The following CES5A variants were observed in gnomAD, a reference collection of about 807,000 sequenced individuals.
The protein encoded by CES5A is carboxylesterase 5.
A neutral mutation model predicts 62.9 loss-of-function variants in CES5A; 67 were observed. That is an observed-to-expected ratio of 1.07 (90% CI 0.88 to 1.31). The LOEUF (loss-of-function observed/expected upper bound fraction) is 1.31. Ranked by LOEUF, CES5A falls within the 50% of genes most tolerant of loss-of-function variation. CES5A has a pLI of 0.00. For missense variants in CES5A, 748 were observed against 708.5 expected, an observed-to-expected ratio of 1.06 and a Z score of -0.63; for synonymous variants, 296 against 280.8, an observed-to-expected ratio of 1.05 and a Z score of -0.54.
At chr16:55,849,893 C>G in intron 10 of CES5A, 120 bp from the exon 11 acceptor site, 2 of 1,012,354 alleles carry the variant, frequency 2.0e-6, no homozygotes, top group Non-Finnish European at 2.8e-6. Flanking sequence ...TCAGAGACAG[C>G]TCACTTCCCC....
intron 2 of CES5A, among the ~76,000 whole-genome samples, chr16:55,945,094 A>G (rs2034480661): frequency 6.6e-6 from 1 of 152,210 alleles, no homozygotes. Context: ...ATGAACTCAT[A>G]CTGGCCAGTT....
At chr16:55,926,672 T>C (rs968617966), upstream of CES5A, among the ~76,000 whole-genome samples, 2 of 152,238 alleles carry the variant, frequency 1.3e-5, no homozygotes, top group African/African-American at 2.4e-5. Context: ...AGGAATATTG[T>C]CATGCTGGAG....
chr16:55,928,197 C>A (rs1001497288), upstream of CES5A, among the ~76,000 whole-genome samples: 3 of 151,916 alleles, frequency 2.0e-5, no homozygotes, highest in African/African-American at 7.2e-5. Flanking sequence ...GAGCCAAGAT[C>A]GAGCCACTGC....
chr16:55,884,073 T>C (rs1338179719), intron 1 of CES5A, among the ~76,000 whole-genome samples: 1 of 152,158 alleles, frequency 6.6e-6, no homozygotes, highest in Non-Finnish European at 1.5e-5. Context: ...CATACATCCC[T>C]TCGGAAAAGA....
intron 1 of CES5A, among the ~76,000 whole-genome samples, chr16:55,902,380 C>A (rs569690134): frequency 5.0e-4 from 76 of 152,250 alleles, no homozygotes; most frequent in African/African-American, 1.8e-3. Context: ...TATTACTCAT[C>A]CCCACAAGTT....
chr16:55,873,829 T>C lies in CES5A; in HGVS notation c.278+4A>G. 1 of 1,610,584 alleles carries C rather than the reference T, an allele frequency of 6.2e-7. No homozygotes were observed. The highest frequency in any genetic ancestry group is 8.5e-7 in the Non-Finnish European group (1 of 1,178,010). ...ACCACCCGTGGGCCCGAACCTGGTCTTACAAATTAGGGTAGGAGGTGGCTT... is the reference window on the plus strand; with the variant it reads ...ACCACCCGTGGGCCCGAACCTGGTCCTACAAATTAGGGTAGGAGGTGGCTT... On this transcript the variant is annotated splice_donor_region_variant and intron_variant, in intron 2 of 12. Coordinates refer to ENST00000290567, the MANE Select transcript of CES5A (RefSeq NM_001143685.2).
intron 10 of CES5A, among the ~76,000 whole-genome samples, chr16:55,850,028 CTACTT>C (rs1423890348): frequency 6.6e-6 from 1 of 152,234 alleles, no homozygotes; most frequent in African/African-American, 2.4e-5. Flanking sequence ...CAGCCAAGAT[CTACTT>C]TGTTGGGACT....
intron 1 of CES5A, among the ~76,000 whole-genome samples, chr16:55,910,523 G>A (rs958978453): frequency 3.9e-5 from 6 of 152,216 alleles, no homozygotes; most frequent in East Asian, 3.9e-4. Context: ...CTTTTGAGAC[G>A]CTGCTGCTTC....
rs546941204 is a variant in CES5A, at chr16:55,869,512, C to T, written c.551+99G>A. 47 of 1,451,962 alleles carry T rather than the reference C, an allele frequency of 3.2e-5. No homozygotes were observed. The African/African-American group carries it at 3.4e-4, about 11-fold the overall frequency. The allele number at this position is 1,451,962 out of a possible 1,614,324, so 89.9% of individuals were successfully genotyped here. A position where few individuals can be genotyped will look rare whatever the true frequency, so the allele number is the denominator to read the frequency against. On this transcript the variant is annotated intron_variant, in intron 4 of 12. Transcript: ENST00000290567. ...TTAGGGCCAGTTTTGTTCATTGTCC[C>T]GGAAGGCTCGCTCCTTCTTAGGTTG...
intron 2 of CES5A, among the ~76,000 whole-genome samples, chr16:55,941,775 G>A (rs74019335): frequency 6.6e-6 from 1 of 152,092 alleles, no homozygotes; most frequent in Non-Finnish European, 1.5e-5. Flanking sequence ...CAGGCACATA[G>A]ATAGCATAAG....
chr16:55,862,296 A>C (rs1237119927), intron 6 of CES5A, among the ~76,000 whole-genome samples: 1 of 152,152 alleles, frequency 6.6e-6, no homozygotes, highest in East Asian at 1.9e-4. Context: ...AATCCAGTCA[A>C]AGTTACAGAC....
chr16:55,908,449 T>C (rs112170941), intron 1 of CES5A, among the ~76,000 whole-genome samples: 22,061 of 152,090 alleles, frequency 0.15, 1,717 homozygotes, highest in Non-Finnish European at 0.18. Flanking sequence ...CAACCTCCAC[T>C]TCCTGGGTTC....
chr16:55,920,983 T>C (rs1039688536), intron 1 of CES5A, among the ~76,000 whole-genome samples: 4 of 152,054 alleles, frequency 2.6e-5, no homozygotes, highest in African/African-American at 9.7e-5. Flanking sequence ...AACTGAAAAA[T>C]TCATTAGAAG....
chr16:55,891,855 G>C (rs921503937), intron 1 of CES5A, among the ~76,000 whole-genome samples: 2 of 152,046 alleles, frequency 1.3e-5, no homozygotes, highest in Non-Finnish European at 2.9e-5. Flanking sequence ...TCTGACTCTA[G>C]CGTAACATAC....
At chr16:55,926,375 T>C (rs1163040938), upstream of CES5A, among the ~76,000 whole-genome samples, 3 of 152,172 alleles carry the variant, frequency 2.0e-5, no homozygotes, top group Admixed American at 2.0e-4. Context: ...AACAAGAATA[T>C]AAATTTTATC....
At chr16:55,945,656 A>G (rs559875139) in intron 2 of CES5A, among the ~76,000 whole-genome samples, 10 of 152,262 alleles carry the variant, frequency 6.6e-5, no homozygotes, top group African/African-American at 1.9e-4. Context: ...TTTTCCACAC[A>G]TGTCTAGTTG....
upstream of CES5A, among the ~76,000 whole-genome samples, chr16:55,878,890 AACC>A (rs1281195974): frequency 7.2e-5 from 9 of 124,768 alleles, no homozygotes; most frequent in South Asian, 8.3e-4. Context: ...CCCACCATTT[AACC>A]ACCATCACTG....
chr16:55,925,789 A>T (rs76264097), upstream of CES5A, among the ~76,000 whole-genome samples: 1,178 of 152,222 alleles, frequency 7.7e-3, 20 homozygotes, highest in African/African-American at 0.026. Flanking sequence ...GTTAAATGGG[A>T]CTTAATCAAA....
In CES5A at chr16:55,849,653, G is replaced by C. The variant is rs1304108300; in HGVS notation, c.1394C>G (p.Ala465Gly). 2 of 1,613,828 alleles carry C rather than the reference G, an allele frequency of 1.2e-6. No individual in the cohort carries two copies. Among genetic ancestry groups the C allele is most frequent in the African/African-American group, 2.7e-5 (2 of 74,906 alleles). Residue 465 changes from alanine (A) to glycine (G), a missense_variant, in exon 11 of 13, where the codon GCC (alanine) becomes GGC (glycine). By Grantham distance (60) the Ala-to-Gly change is moderately conservative (BLOSUM62 0). Transcript: ENST00000290567. ...CATAACAATGTCCCCCTTCAGGAAGGCACCACCGAACACAAAGCGGACTTC... is the reference window on the plus strand; with the variant it reads ...CATAACAATGTCCCCCTTCAGGAAGCCACCACCGAACACAAAGCGGACTTC... Reference protein sequence around the residue: ...ADEVRFVFGGAFLKGDIVMFE... With the variant: ...ADEVRFVFGGGFLKGDIVMFE...
Sources: allele counts gnomAD v4.1 joint callset (sites outside exome capture counted in the v4.1 genomes callset), GRCh38; gene constraint gnomAD v4.1.1; transcripts MANE v1.5; gene names NCBI Gene and HGNC (gene_info 2026-07-23, HGNC 2026-07-21).